IGF1: variants seen among roughly 807,000 people sequenced by gnomAD.
The protein encoded by IGF1 is insulin like growth factor 1, also known as insulin-like growth factor 1.
IGF1 carries 4 observed loss-of-function variants against 13.8 expected under a neutral mutation model. That is an observed-to-expected ratio of 0.29 (90% confidence interval 0.14 to 0.66). The LOEUF (loss-of-function observed/expected upper bound fraction) is 0.66. Among genes scored for constraint, IGF1 ranks in the 30% least tolerant of loss-of-function variants. The pLI, the probability that IGF1 is intolerant of heterozygous loss-of-function variation, is 0.78. For missense variants in IGF1, 124 were observed against 188.5 expected (o/e 0.66, Z 2.00); for synonymous variants, 76 against 72.6 (o/e 1.05, Z -0.23).
At chr12:102,448,131 C>T (rs1369151326) in intron 2 of IGF1, among the ~76,000 whole-genome samples, 10 of 149,900 alleles carry the variant, frequency 6.7e-5, no homozygotes, top group African/African-American at 1.2e-4. Context: ...GTCAGTGTGG[C>T]GATTCCTCAG....
chr12:102,475,402 G>A (rs1017093789), intron 2 of IGF1, among the ~76,000 whole-genome samples: 1 of 152,082 alleles, frequency 6.6e-6, no homozygotes, highest in African/African-American at 2.4e-5. Context: ...GTTGAAAGAA[G>A]GCTTAGCAGG....
rs1328573051 is a variant in IGF1, at chr12:102,397,969, C to CTA, written c.*4536_*4537dup. On this transcript the variant is annotated 3_prime_UTR_variant, in exon 4 of 4. Coordinates refer to ENST00000337514, the MANE Select transcript of IGF1 (RefSeq NM_000618.5). ...AGTCAAACATACATTTCTATCTAGCCTATAGTTTTAAAGAGTCTATGTGGG... is the reference window on the plus strand; with the variant it reads ...AGTCAAACATACATTTCTATCTAGCCTATATAGTTTTAAAGAGTCTATGTGGG... The CTA allele has an allele frequency of 6.6e-6, 1 of 151,842 alleles. No individual in the cohort carries two copies. 9.4% of individuals were successfully genotyped at this position (151,842 alleles called of 1,614,324 possible).
chr12:102,428,169 C>G (rs1265331398), intron 2 of IGF1, among the ~76,000 whole-genome samples: 1 of 140,702 alleles, frequency 7.1e-6, no homozygotes, highest in African/African-American at 2.6e-5. Flanking sequence ...TATCAAGCAC[C>G]CCTTCTAAAA....
Position 102,397,029 on chromosome 12 carries a change from C to T in IGF1, c.*5478G>A, listed in dbSNP as rs1354875436. On this transcript the variant is annotated 3_prime_UTR_variant, in exon 4 of 4. Transcript: ENST00000337514. ...CAACCTGGCCAACATGGTAAAACCC[C>T]GTCTCTATTAAAAATCCAAAAAATT... The T allele has an allele frequency of 2.1e-5, 8 of 384,012 alleles. No individual in the cohort carries two copies. Among genetic ancestry groups the T allele is most frequent in the Middle Eastern group, 6.6e-4 (1 of 1,510 alleles). 23.8% of individuals were successfully genotyped at this position (384,012 alleles called of 1,614,324 possible). A position where few individuals can be genotyped will look rare whatever the true frequency, so the allele number is the denominator to read the frequency against.
At chr12:102,429,417 T>A (rs946933550) in intron 2 of IGF1, among the ~76,000 whole-genome samples, 14 of 152,328 alleles carry the variant, frequency 9.2e-5, no homozygotes, top group Admixed American at 4.6e-4. Context: ...AGTAATCTTC[T>A]GGCCTTCACT....
intron 3 of IGF1, among the ~76,000 whole-genome samples, chr12:102,416,900 G>T (rs1875188521): frequency 6.6e-6 from 1 of 152,198 alleles, no homozygotes; most frequent in African/African-American, 2.4e-5. Flanking sequence ...TGAGGTCAGT[G>T]GGGTGGGCCC....
At chr12:102,402,870 A>T (rs1199992060) in intron 3 of IGF1, among the ~76,000 whole-genome samples, 6 of 152,182 alleles carry the variant, frequency 3.9e-5, no homozygotes, top group Non-Finnish European at 5.9e-5. Flanking sequence ...TTGAAAGGAG[A>T]TCCTGAAAAA....
chr12:102,462,761 G>A (rs1482716864), intron 2 of IGF1: 2 of 152,076 alleles, frequency 1.3e-5, no homozygotes, highest in African/African-American at 4.8e-5. Flanking sequence ...AGGAATCTTT[G>A]GAGAGCCAAA....
In IGF1 at chr12:102,427,602, G is replaced by A. The variant is rs970394097; in HGVS notation, c.221-7912C>T. ...CATCTGGACCTTGTCCCAGGGGTGG[G>A]AGTGACATGGCCAGGATGGCAGGTG... On this transcript the variant is annotated intron_variant, in intron 2 of 3. Transcript: ENST00000337514. Among the ~76,000 whole-genome samples, 9 of 152,282 alleles carry A rather than the reference G, an allele frequency of 5.9e-5. No homozygotes were observed. In the East Asian group the frequency reaches 1.5e-3, roughly 26 times the overall value.
intron 2 of IGF1, among the ~76,000 whole-genome samples, chr12:102,454,248 T>TA (rs1340059913): frequency 6.6e-6 from 1 of 152,154 alleles, no homozygotes; most frequent in Non-Finnish European, 1.5e-5. Context: ...GAAACATGAG[T>TA]ACTCTCACAG....
At chr12:102,478,738 A>AG (rs945107522) in intron 1 of IGF1, 2 of 1,050,752 alleles carry the variant, frequency 1.9e-6, no homozygotes, top group Admixed American at 6.8e-5. Context: ...TTTTCCCCCC[A>AG]GTCAAGCCAC....
intron 2 of IGF1, among the ~76,000 whole-genome samples, chr12:102,422,224 A>C (rs1468528966): frequency 6.6e-6 from 1 of 152,166 alleles, no homozygotes; most frequent in Non-Finnish European, 1.5e-5. Flanking sequence ...TTATGTCTAC[A>C]TTTGTTTTTT....
chr12:102,414,430 AT>A (rs17886798), intron 3 of IGF1, among the ~76,000 whole-genome samples: 3 of 151,038 alleles, frequency 2.0e-5, no homozygotes, highest in Non-Finnish European at 4.4e-5. Flanking sequence ...TTATTATTTA[AT>A]TTTTTTTTGA....
chr12:102,450,677 A>G (rs1878843900), intron 2 of IGF1, among the ~76,000 whole-genome samples: 1 of 152,252 alleles, frequency 6.6e-6, no homozygotes, highest in Non-Finnish European at 1.5e-5. Flanking sequence ...GGGAGACTTA[A>G]ATAAGTTCTC....
At chr12:102,421,351 T>A (rs1479641523) in intron 2 of IGF1, among the ~76,000 whole-genome samples, 2 of 152,076 alleles carry the variant, frequency 1.3e-5, no homozygotes, top group Admixed American at 1.3e-4. Flanking sequence ...GTAAACAATA[T>A]TTTTTTGTTT....
At chr12:102,481,385 G>GTGTGTGTGTA (rs1461795148), upstream of IGF1, among the ~76,000 whole-genome samples, 1 of 146,620 alleles carries the variant, frequency 6.8e-6, no homozygotes, top group African/African-American at 2.6e-5. Flanking sequence ...GTGTGTGTGT[G>GTGTGTGTGTA]TGTATGACAG....
intron 3 of IGF1, among the ~76,000 whole-genome samples, chr12:102,403,239 G>T: frequency 6.6e-6 from 1 of 151,992 alleles, no homozygotes; most frequent in Admixed American, 6.6e-5. Flanking sequence ...TAGGATCAAA[G>T]ATTAAATAAT....
At chr12:102,463,485 T>C (rs5742629) in intron 2 of IGF1, 48,272 of 151,998 alleles carry the variant, frequency 0.32, 8,022 homozygotes, top group East Asian at 0.43. Context: ...AAAATCAGCT[T>C]TTTCCTTTAT....
intron 3 of IGF1, chr12:102,417,436 C>T: frequency 1.8e-6 from 1 of 561,300 alleles, no homozygotes; most frequent in Non-Finnish European, 2.3e-6. Context: ...TTGACATAGG[C>T]AATTCTTCCA....
Sources: gnomAD v4.1 joint callset for allele counts (sites outside exome capture counted in the v4.1 genomes callset) on GRCh38, gnomAD v4.1.1 for gene constraint, MANE v1.5 for transcripts, NCBI Gene and HGNC (gene_info 2026-07-23, HGNC 2026-07-21) for gene names.